Variants in LRP1B observed in about 807,000 individuals in gnomAD.
LRP1B encodes LDL receptor related protein 1B.
A neutral mutation model predicts 556.6 loss-of-function variants in LRP1B; 217 were observed. That is an observed-to-expected ratio of 0.39 (90% confidence interval 0.35 to 0.44). The LOEUF is 0.44. Ranked by LOEUF, LRP1B falls within the 20% of genes least tolerant of loss-of-function variation. LRP1B has a pLI of 1.00. For synonymous variants in LRP1B, 2,047 were observed against 1,865.8 expected, an observed-to-expected ratio of 1.10 and a Z score of -2.50; for missense variants, 5,053 against 5,620.8, an observed-to-expected ratio of 0.90 and a Z score of 3.23.
chr2:140,776,019 T>C (rs2104949911), intron 33 of LRP1B, 79 bp downstream of exon 33: 1 of 1,177,082 alleles, frequency 8.5e-7, no homozygotes, highest in South Asian at 1.4e-5. Context: ...AAACCTTTTA[T>C]TGTTGAATTG....
chr2:140,987,890 A>G (rs1696974089), intron 17 of LRP1B, among the ~76,000 whole-genome samples: 1 of 152,050 alleles, frequency 6.6e-6, no homozygotes. Context: ...TAGCTGAGGC[A>G]TGAGAATTGC....
chr2:141,896,898 G>C (rs1423585245), intron 1 of LRP1B, among the ~76,000 whole-genome samples: 1 of 152,256 alleles, frequency 6.6e-6, no homozygotes, highest in East Asian at 1.9e-4. Flanking sequence ...TAGTCCCAGT[G>C]ATGGACCCTG....
intron 1 of LRP1B, among the ~76,000 whole-genome samples, chr2:142,020,228 C>T (rs912268534): frequency 1.3e-5 from 2 of 152,006 alleles, no homozygotes; most frequent in African/African-American, 4.8e-5. Flanking sequence ...GGAAATGTGT[C>T]AGAAATTAGG....
chr2:140,633,077 A>AG (rs1314419608), intron 41 of LRP1B, among the ~76,000 whole-genome samples: 1 of 151,836 alleles, frequency 6.6e-6, no homozygotes, highest in African/African-American at 2.4e-5. Flanking sequence ...AAAAGAAAAA[A>AG]AAAAGAAAAG....
chr2:140,497,082 C>G (rs1218134245), intron 55 of LRP1B, among the ~76,000 whole-genome samples: 6 of 151,784 alleles, frequency 4.0e-5, no homozygotes. Flanking sequence ...GGGAGGAAAG[C>G]ATCCAAGTAA....
intron 41 of LRP1B, among the ~76,000 whole-genome samples, chr2:140,666,781 G>A (rs1685291631): frequency 6.6e-6 from 1 of 152,154 alleles, no homozygotes; most frequent in Admixed American, 6.5e-5. Context: ...TACCTGATAA[G>A]TATCTTGAAA....
intron 18 of LRP1B, among the ~76,000 whole-genome samples, chr2:140,956,078 GTAT>G (rs1010208785): frequency 3.3e-5 from 5 of 151,632 alleles, no homozygotes; most frequent in African/African-American, 9.7e-5. Flanking sequence ...ATTTAGGAAA[GTAT>G]TATCTTCACC....
At chr2:141,919,079 G>A (rs1700112022) in intron 1 of LRP1B, among the ~76,000 whole-genome samples, 1 of 151,864 alleles carries the variant, frequency 6.6e-6, no homozygotes, top group African/African-American at 2.4e-5. Context: ...TAAGTCAAAA[G>A]GAAATAAATG....
chr2:141,990,329 T>G (rs1702309529), intron 1 of LRP1B, among the ~76,000 whole-genome samples: 3 of 152,050 alleles, frequency 2.0e-5, no homozygotes, highest in Non-Finnish European at 4.4e-5. Flanking sequence ...TGTTAAATAC[T>G]TTAAAATTTA....
At chr2:141,139,023 A>G (rs528122996) in intron 7 of LRP1B, among the ~76,000 whole-genome samples, 1 of 152,108 alleles carries the variant, frequency 6.6e-6, no homozygotes, top group Non-Finnish European at 1.5e-5. Context: ...GACAGAATAA[A>G]TATTTTAGAA....
At chr2:140,553,543 C>A (rs1251496656) in intron 43 of LRP1B, among the ~76,000 whole-genome samples, 1 of 151,886 alleles carries the variant, frequency 6.6e-6, no homozygotes, top group Admixed American at 6.6e-5. Flanking sequence ...TAGATAACTA[C>A]CTTCAAATAG....
intron 35 of LRP1B, among the ~76,000 whole-genome samples, chr2:140,748,403 TTATATTCATATATAATA>T (rs1188892067): frequency 1.9e-5 from 1 of 52,402 alleles, no homozygotes; most frequent in Non-Finnish European, 3.9e-5. Context: ...TATTCATATA[TTATATTCATATATAATA>T]TATATTATAT....
chr2:140,450,991 G>T (rs1686863304), intron 62 of LRP1B, among the ~76,000 whole-genome samples: 1 of 152,188 alleles, frequency 6.6e-6, no homozygotes, highest in Non-Finnish European at 1.5e-5. Flanking sequence ...GCCCAGGCTG[G>T]AAGGCAGTGA....
intron 79 of LRP1B, among the ~76,000 whole-genome samples, chr2:140,331,914 C>T (rs1178605066): frequency 6.6e-6 from 1 of 151,844 alleles, no homozygotes; most frequent in Non-Finnish European, 1.5e-5. Flanking sequence ...GCAGGCTGGT[C>T]TCAAACTCCT....
intron 3 of LRP1B, among the ~76,000 whole-genome samples, chr2:141,372,290 C>T (rs1689255547): frequency 6.6e-6 from 1 of 152,026 alleles, no homozygotes; most frequent in Non-Finnish European, 1.5e-5. Context: ...GTTACTAGCA[C>T]ATTGTTGAGG....
rs562866667 is a variant in LRP1B, at chr2:141,050,541, CCT to C, written c.1553-1321_1553-1320del. ...GGCCCCGTTGTGTGTTGTTCCCCTCCCTGTGTCCATGTGTTCACATTGTTCAA... is the reference window on the plus strand; with the variant it reads ...GGCCCCGTTGTGTGTTGTTCCCCTCCGTGTCCATGTGTTCACATTGTTCAA... On this transcript the variant is annotated intron_variant, in intron 10 of 90. Coordinates refer to ENST00000389484, the MANE Select transcript of LRP1B (RefSeq NM_018557.3). Among the ~76,000 whole-genome samples, 53 of 152,148 alleles carry C rather than the reference CCT, an allele frequency of 3.5e-4. No individual in the cohort carries two copies. In the South Asian group the frequency reaches 0.01, roughly 29 times the overall value.
intron 2 of LRP1B, among the ~76,000 whole-genome samples, chr2:141,588,892 C>A (rs978511518): frequency 2.0e-5 from 3 of 151,974 alleles, no homozygotes; most frequent in African/African-American, 7.3e-5. Context: ...AAACAGGGGT[C>A]AAGACAAAAA....
intron 43 of LRP1B, among the ~76,000 whole-genome samples, chr2:140,595,136 A>ATATATATG (rs1682390713): frequency 1.7e-5 from 2 of 116,840 alleles, no homozygotes; most frequent in South Asian, 5.8e-4. Context: ...ATATATATAT[A>ATATATATG]TTAGTATGGT....
chr2:140,286,839 TATAAAA>T (rs1474480814), intron 84 of LRP1B, among the ~76,000 whole-genome samples: 1 of 151,808 alleles, frequency 6.6e-6, no homozygotes, highest in Non-Finnish European at 1.5e-5. Flanking sequence ...AAATGAAAAT[TATAAAA>T]ATAAATATCT....
Sources: allele counts gnomAD v4.1 joint callset (sites outside exome capture counted in the v4.1 genomes callset), GRCh38; gene constraint gnomAD v4.1.1; transcripts MANE v1.5; gene names NCBI Gene and HGNC (gene_info 2026-07-23, HGNC 2026-07-21).